IL1RN: variants seen among roughly 807,000 people sequenced by gnomAD.
IL1RN encodes interleukin-1 receptor antagonist protein.
Under a neutral mutation model 13.7 loss-of-function variants are expected in IL1RN, and 10 were observed. The ratio of observed to expected loss-of-function variants is 0.73; its 90% confidence interval spans 0.45 to 1.24. The LOEUF (loss-of-function observed/expected upper bound fraction) is 1.24, where lower values mean the gene tolerates loss of function less well. Ranked by LOEUF, IL1RN falls within the 50% of genes most tolerant of loss-of-function variation. The probability of loss-of-function intolerance (pLI) is 0.00; values close to 1 mark genes in which losing one functional copy is unlikely to be tolerated. For synonymous variants in IL1RN, 102 were observed against 82.7 expected (o/e 1.23, Z -1.27); for missense variants, 213 against 222.1 (o/e 0.96, Z 0.26).
chr2:113,113,045 A>C (rs1686527262), upstream of IL1RN: 1 of 152,216 alleles, frequency 6.6e-6, no homozygotes, highest in Admixed American at 6.5e-5. Flanking sequence ...TTTCAGCTTG[A>C]ATAATATCAG....
In IL1RN at chr2:113,121,424, T is replaced by G. The variant is rs1384362817; in HGVS notation, c.73+1296T>G. 6.1e-6 allele frequency: 6 copies of G among 984,026 alleles called. No individual in the cohort carries two copies. The Admixed American group carries it at 3.7e-4, about 60-fold the overall frequency. The allele number at this position is 984,026 out of a possible 1,614,324, so 61.0% of individuals were successfully genotyped here. On this transcript the variant is annotated intron_variant, in intron 2 of 5. Coordinates refer to the IL1RN transcript ENST00000259206. The stretch of plus-strand genomic sequence containing the variant: ...GTCCCCTTCCCCATGGTGTCTGTTC[T>G]TCTCCATTTCCTCCTGTCTGCAGGG...
upstream of IL1RN, among the ~76,000 whole-genome samples, chr2:113,103,772 G>A (rs1246600502): frequency 1.3e-5 from 2 of 152,164 alleles, no homozygotes; most frequent in Non-Finnish European, 2.9e-5. Flanking sequence ...GAGAGCAGAG[G>A]GTGGGGTGGG....
the IL1RN span, among the ~76,000 whole-genome samples, chr2:113,100,305 G>A: frequency 6.2e-5 from 9 of 146,228 alleles, no homozygotes; most frequent in Admixed American, 2.1e-4. Flanking sequence ...CAGCCCGGGC[G>A]ACAGAGCGAG....
upstream of IL1RN, among the ~76,000 whole-genome samples, chr2:113,126,268 AAAGT>A (rs745884185): frequency 4.3e-4 from 65 of 152,316 alleles, no homozygotes; most frequent in Admixed American, 2.2e-3. Flanking sequence ...ATTAGGGTTT[AAAGT>A]TTCTGAAGCA....
upstream of IL1RN, among the ~76,000 whole-genome samples, chr2:113,104,187 T>C (rs970461070): frequency 2.0e-5 from 3 of 152,086 alleles, no homozygotes; most frequent in Admixed American, 2.0e-4. Flanking sequence ...ACATGCAAAG[T>C]GAGGCAGAGG....
At chr2:113,117,306 GCCCTTGCTGTT>G (rs952274724), upstream of IL1RN, among the ~76,000 whole-genome samples, 3 of 152,162 alleles carry the variant, frequency 2.0e-5, no homozygotes, top group Admixed American at 2.0e-4. Flanking sequence ...CAAGGCCTTT[GCCCTTGCTGTT>G]CCCTCCACCT....
upstream of IL1RN, among the ~76,000 whole-genome samples, chr2:113,116,517 G>A (rs964829560): frequency 6.6e-6 from 1 of 152,142 alleles, no homozygotes; most frequent in African/African-American, 2.4e-5. Context: ...GGGCTTTCCT[G>A]TGGCCGGCTC....
In IL1RN at chr2:113,129,637, T is replaced by C; in HGVS notation, c.178T>C (p.Leu60=). The change falls in exon 2 of 4, where the codon TTG becomes CTG. Residue 60 remains leucine, a synonymous_variant. Coordinates refer to ENST00000409930, the MANE Select transcript of IL1RN (RefSeq NM_173842.3). ...GAACAACCAACTAGTTGCTGGATAC[T>C]TGCAAGGACCAAATGTCAATTTAGA... ...LRNNQLVAGY[L]QGPNVNLEEK... 1 of 1,612,066 alleles carries C rather than the reference T, an allele frequency of 6.2e-7. No individual in the cohort carries two copies. The highest frequency in any genetic ancestry group is 1.1e-5 in the South Asian group (1 of 91,044).
chr2:113,117,726 A>G, upstream of IL1RN: 1 of 569,160 alleles, frequency 1.8e-6, no homozygotes, highest in Non-Finnish European at 3.2e-6. Flanking sequence ...GCAGATAAGA[A>G]CCAGTTTGGT....
upstream of IL1RN, among the ~76,000 whole-genome samples, chr2:113,124,754 A>C (rs1686897113): frequency 1.3e-5 from 2 of 152,068 alleles, no homozygotes; most frequent in South Asian, 4.1e-4. Flanking sequence ...GGCTCTGCAC[A>C]TTGTGTGGGG....
chr2:113,129,495 C>T lies in IL1RN; in HGVS notation c.117-81C>T, dbSNP rs932373992. ...GAGCTGGATGCAAATTTGACAAGTT[C>T]TGGGGGACACAGGAAGGTGCCAAGC... On this transcript the variant is annotated intron_variant, in intron 1 of 3. Transcript: ENST00000409930. 16 of 872,648 alleles carry T rather than the reference C, an allele frequency of 1.8e-5. No homozygotes were observed. The African/African-American group carries it at 2.3e-4, about 13-fold the overall frequency. The allele number at this position is 872,648 out of a possible 1,614,324, so 54.1% of individuals were successfully genotyped here.
upstream of IL1RN, among the ~76,000 whole-genome samples, chr2:113,115,291 GC>G (rs1056064766): frequency 2.4e-4 from 37 of 151,982 alleles, no homozygotes; most frequent in African/African-American, 8.7e-4. Flanking sequence ...GGCATCCAGG[GC>G]CCCCCTGCTT....
chr2:113,111,413 T>G (rs56341434), intron 1 of IL1RN, among the ~76,000 whole-genome samples: 1 of 151,962 alleles, frequency 6.6e-6, no homozygotes, highest in Non-Finnish European at 1.5e-5. Context: ...TCAGTTTATT[T>G]GTCTGTAAAA....
upstream of IL1RN, among the ~76,000 whole-genome samples, chr2:113,102,500 T>C (rs1354101058): frequency 1.3e-5 from 2 of 152,122 alleles, no homozygotes; most frequent in Non-Finnish European, 2.9e-5. Context: ...GGGGGAAGCC[T>C]GTAGGCATGG....
chr2:113,111,760 C>T (rs1315335929), intron 1 of IL1RN, among the ~76,000 whole-genome samples: 1 of 152,270 alleles, frequency 6.6e-6, no homozygotes, highest in African/African-American at 2.4e-5. Flanking sequence ...CATTAAATGC[C>T]TCACATGATA....
chr2:113,104,463 C>T (rs1226903136), upstream of IL1RN, among the ~76,000 whole-genome samples: 1 of 152,146 alleles, frequency 6.6e-6, no homozygotes, highest in African/African-American at 2.4e-5. Context: ...CCCCACATGT[C>T]TATTCCTGGG....
intron 2 of IL1RN, chr2:113,121,441 T>A: frequency 2.0e-6 from 2 of 985,152 alleles, no homozygotes; most frequent in South Asian, 4.7e-5. Context: ...TTTCCTCCTG[T>A]CTGCAGGGGG....
upstream of IL1RN, among the ~76,000 whole-genome samples, chr2:113,102,800 TG>T (rs1010179769): frequency 3.8e-4 from 58 of 152,120 alleles, no homozygotes; most frequent in African/African-American, 1.4e-3. Context: ...TCAGTTAAGG[TG>T]GGGCAGGAAT....
chr2:113,105,115 G>T (rs1472531775), upstream of IL1RN, among the ~76,000 whole-genome samples: 1 of 152,170 alleles, frequency 6.6e-6, no homozygotes, highest in Non-Finnish European at 1.5e-5. Context: ...TGGGCTCAGG[G>T]GTGGATGAGT....
Sources: gnomAD v4.1 joint callset for allele counts (sites outside exome capture counted in the v4.1 genomes callset) on GRCh38, gnomAD v4.1.1 for gene constraint, MANE v1.5 for transcripts, NCBI Gene and HGNC (gene_info 2026-07-23, HGNC 2026-07-21) for gene names.